The following ADGRL2 variants were observed in gnomAD, a reference collection of about 807,000 sequenced individuals.
The protein encoded by ADGRL2 is calcium-independent alpha-latrotoxin receptor 2.
Under a neutral mutation model 157.4 loss-of-function variants are expected in ADGRL2, and 44 were observed. The observed-to-expected ratio is 0.28, with a 90% CI of 0.22 to 0.36. ADGRL2 has a LOEUF of 0.36. Among genes scored for constraint, ADGRL2 ranks in the 10% least tolerant of loss-of-function variants. ADGRL2 has a pLI of 1.00. For synonymous variants in ADGRL2, 585 were observed against 624.7 expected (o/e 0.94, Z 0.95); for missense variants, 1,510 against 1,768.9 (o/e 0.85, Z 2.63).
At chr1:81,969,891 A>C (rs1658209302) in intron 15 of ADGRL2, among the ~76,000 whole-genome samples, 1 of 152,178 alleles carries the variant, frequency 6.6e-6, no homozygotes. Context: ...ATTAAAGCAA[A>C]ATTTTAAAAT....
At chr1:81,382,877 A>G (rs898592793) in intron 1 of ADGRL2, among the ~76,000 whole-genome samples, 1 of 152,222 alleles carries the variant, frequency 6.6e-6, no homozygotes, top group Non-Finnish European at 1.5e-5. Flanking sequence ...GAGGATTTCA[A>G]CTAACATTCG....
chr1:81,962,922 A>G (rs12064841), intron 11 of ADGRL2, among the ~76,000 whole-genome samples: 42,240 of 151,960 alleles, frequency 0.28, 6,393 homozygotes, highest in Middle Eastern at 0.37. Flanking sequence ...TCTTCTATAT[A>G]AATTTTTAAA....
chr1:81,423,663 A>G (rs982351222), intron 1 of ADGRL2, among the ~76,000 whole-genome samples: 1 of 152,228 alleles, frequency 6.6e-6, no homozygotes, highest in African/African-American at 2.4e-5. Flanking sequence ...TTCCCTAATA[A>G]TGTTATACAC....
intron 1 of ADGRL2, among the ~76,000 whole-genome samples, chr1:81,734,066 C>T (rs946650618): frequency 6.6e-6 from 1 of 151,994 alleles, no homozygotes; most frequent in Non-Finnish European, 1.5e-5. Flanking sequence ...CACCTGAGGT[C>T]GGGAGTTCGA....
chr1:81,320,166 C>T (rs1028321195), intron 1 of ADGRL2, among the ~76,000 whole-genome samples: 3 of 152,230 alleles, frequency 2.0e-5, no homozygotes, highest in Non-Finnish European at 2.9e-5. Flanking sequence ...TAAGAAGTAA[C>T]TTCTCATCCA....
At chr1:81,315,710 A>T (rs993721764) in intron 1 of ADGRL2, among the ~76,000 whole-genome samples, 2 of 152,078 alleles carry the variant, frequency 1.3e-5, no homozygotes, top group Non-Finnish European at 2.9e-5. Flanking sequence ...GAATTTTGAC[A>T]TCTACTCAGT....
chr1:81,539,396 G>A (rs558572464), intron 2 of ADGRL2, among the ~76,000 whole-genome samples: 36 of 152,238 alleles, frequency 2.4e-4, no homozygotes, highest in Non-Finnish European at 3.8e-4. Flanking sequence ...TTAGCATCTG[G>A]TCTCACTTCT....
chr1:81,903,977 A>T (rs1428823427), intron 2 of ADGRL2, among the ~76,000 whole-genome samples: 1 of 151,706 alleles, frequency 6.6e-6, no homozygotes, highest in Non-Finnish European at 1.5e-5. Flanking sequence ...GGTGGGGGAG[A>T]TGGCATATAA....
intron 17 of ADGRL2, among the ~76,000 whole-genome samples, chr1:81,977,820 C>G (rs1416453571): frequency 6.6e-6 from 1 of 151,358 alleles, no homozygotes; most frequent in African/African-American, 2.4e-5. Context: ...GAAAAAAAAC[C>G]CTTATGTTCA....
chr1:81,451,799 A>AT (rs1241431664), intron 2 of ADGRL2, among the ~76,000 whole-genome samples: 1 of 152,114 alleles, frequency 6.6e-6, no homozygotes, highest in African/African-American at 2.4e-5. Context: ...TCATGCGTTA[A>AT]TTTTTTGTTA....
At chr1:81,783,004 T>C (rs893393011) in intron 2 of ADGRL2, among the ~76,000 whole-genome samples, 2 of 152,260 alleles carry the variant, frequency 1.3e-5, no homozygotes, top group African/African-American at 4.8e-5. Flanking sequence ...GCTTTTGCCA[T>C]GCGTTGGAAA....
At chr1:81,471,326 T>G (rs1194461441) in intron 2 of ADGRL2, among the ~76,000 whole-genome samples, 3 of 152,220 alleles carry the variant, frequency 2.0e-5, no homozygotes, top group Admixed American at 6.5e-5. Context: ...TAGCATTATT[T>G]AGTATTATGT....
At chr1:81,715,571 A>G (rs1023125007) in intron 1 of ADGRL2, among the ~76,000 whole-genome samples, 2 of 152,178 alleles carry the variant, frequency 1.3e-5, no homozygotes, top group Non-Finnish European at 2.9e-5. Flanking sequence ...TCATGAATGA[A>G]TATGAGAGTT....
At chr1:81,564,210 A>G (rs552483563) in intron 2 of ADGRL2, among the ~76,000 whole-genome samples, 1 of 152,320 alleles carries the variant, frequency 6.6e-6, no homozygotes, top group Admixed American at 6.5e-5. Flanking sequence ...TGTTAAAGTC[A>G]ATGTACTAGT....
intron 2 of ADGRL2, among the ~76,000 whole-genome samples, chr1:81,446,083 T>C (rs1216300272): frequency 6.6e-6 from 1 of 152,166 alleles, no homozygotes; most frequent in Admixed American, 6.5e-5. Flanking sequence ...CTCTGAGTTC[T>C]GTTTTAGCAG....
At chr1:81,912,231 C>T (rs2094745445) in intron 3 of ADGRL2, among the ~76,000 whole-genome samples, 1 of 151,696 alleles carries the variant, frequency 6.6e-6, no homozygotes, top group Non-Finnish European at 1.5e-5. Flanking sequence ...ACCACTGTGC[C>T]CGGCTAATTT....
intron 2 of ADGRL2, among the ~76,000 whole-genome samples, chr1:81,888,423 T>C (rs1169793795): frequency 6.6e-6 from 1 of 152,076 alleles, no homozygotes; most frequent in Non-Finnish European, 1.5e-5. Context: ...TTGTAGATAT[T>C]GCATTGTTTT....
At chr1:81,892,764 A>G (rs909597207) in intron 2 of ADGRL2, among the ~76,000 whole-genome samples, 1 of 152,112 alleles carries the variant, frequency 6.6e-6, no homozygotes, top group African/African-American at 2.4e-5. Context: ...GACACTGACA[A>G]TTTCATACAT....
chr1:81,341,270 T>A (rs1229544663), intron 1 of ADGRL2, among the ~76,000 whole-genome samples: 1 of 152,106 alleles, frequency 6.6e-6, no homozygotes, highest in African/African-American at 2.4e-5. Context: ...AATATATTTT[T>A]TTGAAAGGCC....
Sources: gnomAD v4.1 joint callset for allele counts (sites outside exome capture counted in the v4.1 genomes callset) on GRCh38, gnomAD v4.1.1 for gene constraint, MANE v1.5 for transcripts, NCBI Gene and HGNC (gene_info 2026-07-23, HGNC 2026-07-21) for gene names.